ADAMTSL1: variants seen among roughly 807,000 people sequenced by gnomAD.
ADAMTSL1 encodes ADAMTS like 1, also known as ADAMTS-like protein 1.
Under a neutral mutation model 201.8 loss-of-function variants are expected in ADAMTSL1, and 126 were observed. The ratio of observed to expected loss-of-function variants is 0.62; its 90% CI spans 0.54 to 0.72. The LOEUF is 0.72. Among genes scored for constraint, ADAMTSL1 ranks in the 30% least tolerant of loss-of-function variants. The probability of loss-of-function intolerance (pLI) is 0.00; values close to 1 mark genes in which losing one functional copy is unlikely to be tolerated. For missense variants in ADAMTSL1, 2,679 were observed against 2,277.8 expected, an observed-to-expected ratio of 1.18 and a Z score of -3.59; for synonymous variants, 1,121 against 903.4, an observed-to-expected ratio of 1.24 and a Z score of -4.32.
chr9:18,779,056 C>T (rs1821229076), intron 19 of ADAMTSL1, among the ~76,000 whole-genome samples: 1 of 152,206 alleles, frequency 6.6e-6, no homozygotes. Flanking sequence ...GGCACTATGC[C>T]AAGTTTATTT....
At chr9:18,688,118 G>GTATATATATATATATATATATA (rs71333061) in intron 13 of ADAMTSL1, among the ~76,000 whole-genome samples, 4 of 142,700 alleles carry the variant, frequency 2.8e-5, no homozygotes, top group African/African-American at 1.0e-4. Flanking sequence ...ATGTATGTAT[G>GTATATATATATATATATATATA]TATATATATA....
intron 1 of ADAMTSL1, among the ~76,000 whole-genome samples, chr9:17,947,272 A>C (rs1470178998): frequency 6.6e-6 from 1 of 150,882 alleles, no homozygotes; most frequent in African/African-American, 2.4e-5. Flanking sequence ...AAAATAACTA[A>C]TGTAATGAAA....
chr9:18,082,562 A>G (rs1379048620), intron 1 of ADAMTSL1, among the ~76,000 whole-genome samples: 2 of 152,152 alleles, frequency 1.3e-5, no homozygotes, highest in African/African-American at 4.8e-5. Context: ...ACACCTTAAG[A>G]CACATCCTAT....
At chr9:18,594,799 A>G (rs1824158657) in intron 4 of ADAMTSL1, among the ~76,000 whole-genome samples, 1 of 152,004 alleles carries the variant, frequency 6.6e-6, no homozygotes, top group South Asian at 2.1e-4. Context: ...CCATCCCTTT[A>G]GGGTTGATCT....
chr9:18,613,626 C>A (rs1564089641), intron 4 of ADAMTSL1, among the ~76,000 whole-genome samples: 1 of 152,014 alleles, frequency 6.6e-6, no homozygotes, highest in Non-Finnish European at 1.5e-5. Context: ...AAACAAAAAA[C>A]AAACAAACAA....
Position 18,461,870 on chromosome 9 carries a change from G to T in ADAMTSL1, c.208-42959G>T, listed in dbSNP as rs112458486. On this transcript the variant is annotated intron_variant, in intron 2 of 29. Transcript: ENST00000680146. Reference sequence around the variant, plus strand: ...ATGGGGGAGATTGGTTCCAGGACACGCCCCCTCCACTCCCCCATTCCCTGA... The same window carrying T: ...ATGGGGGAGATTGGTTCCAGGACACTCCCCCTCCACTCCCCCATTCCCTGA... 2.2e-3 allele frequency among the ~76,000 whole-genome samples: 327 copies of T among 152,070 alleles called. 3 individuals are homozygous for T. The highest frequency in any genetic ancestry group is 7.2e-3 in the African/African-American group (298 of 41,476).
intron 24 of ADAMTSL1, among the ~76,000 whole-genome samples, chr9:18,888,927 G>T (rs1017515170): frequency 3.9e-5 from 6 of 152,192 alleles, no homozygotes; most frequent in African/African-American, 1.4e-4. Context: ...GCTAGCCTCT[G>T]CTGAAAACCA....
intron 18 of ADAMTSL1, 115 bp downstream of exon 18, chr9:18,776,011 G>C (rs1444463978): frequency 3.7e-6 from 5 of 1,354,288 alleles, no homozygotes; most frequent in Non-Finnish European, 3.0e-6. Flanking sequence ...TGGGACAGTA[G>C]AACCCCATGG....
At chr9:18,080,336 A>G (rs1416979814) in intron 1 of ADAMTSL1, among the ~76,000 whole-genome samples, 1 of 152,148 alleles carries the variant, frequency 6.6e-6, no homozygotes, top group Non-Finnish European at 1.5e-5. Context: ...ACTGAGGCAG[A>G]AGGATGGTAC....
At chr9:18,526,369 T>G (rs968533063) in intron 2 of ADAMTSL1, among the ~76,000 whole-genome samples, 3 of 152,252 alleles carry the variant, frequency 2.0e-5, no homozygotes, top group Admixed American at 2.0e-4. Context: ...TACAGCACAC[T>G]GATGGATCTT....
chr9:18,254,605 C>T (rs559628172), intron 2 of ADAMTSL1, among the ~76,000 whole-genome samples: 7 of 151,522 alleles, frequency 4.6e-5, no homozygotes, highest in South Asian at 4.2e-4. Flanking sequence ...CTTCGTGATC[C>T]GCCCGCCTCG....
intron 1 of ADAMTSL1, among the ~76,000 whole-genome samples, chr9:18,154,545 G>A (rs1587175023): frequency 6.6e-6 from 1 of 152,078 alleles, no homozygotes; most frequent in South Asian, 2.1e-4. Flanking sequence ...ATATGTGCCT[G>A]TGCAGTGCTT....
intron 1 of ADAMTSL1, among the ~76,000 whole-genome samples, chr9:17,944,388 C>T (rs1827368539): frequency 6.6e-6 from 1 of 152,070 alleles, no homozygotes; most frequent in Admixed American, 6.6e-5. Context: ...GGCCATACTG[C>T]CCAAGGTAAT....
chr9:18,903,599 G>A (rs769674973), intron 26 of ADAMTSL1, among the ~76,000 whole-genome samples: 6 of 152,176 alleles, frequency 3.9e-5, no homozygotes, highest in Non-Finnish European at 7.3e-5. Flanking sequence ...AAACTATAAT[G>A]AATGTCAAGG....
intron 26 of ADAMTSL1, 166 bp from the exon 27 acceptor site, chr9:18,905,616 G>T (rs993365992): frequency 1.7e-6 from 1 of 587,036 alleles, no homozygotes; most frequent in South Asian, 2.1e-5. Context: ...TAAAGAAAAC[G>T]TATCAGTGAG....
At chr9:18,275,810 T>A (rs1239529989) in intron 2 of ADAMTSL1, among the ~76,000 whole-genome samples, 3 of 152,192 alleles carry the variant, frequency 2.0e-5, no homozygotes, top group Non-Finnish European at 2.9e-5. Flanking sequence ...TTAATAAAAC[T>A]GTTATTACAT....
At chr9:18,612,649 G>C (rs958999996) in intron 4 of ADAMTSL1, among the ~76,000 whole-genome samples, 1 of 152,124 alleles carries the variant, frequency 6.6e-6, no homozygotes, top group African/African-American at 2.4e-5. Flanking sequence ...AAATGGTTCT[G>C]GGATAACTGT....
At chr9:18,567,456 A>G (rs1397672875) in intron 3 of ADAMTSL1, among the ~76,000 whole-genome samples, 1 of 152,184 alleles carries the variant, frequency 6.6e-6, no homozygotes, top group Non-Finnish European at 1.5e-5. Flanking sequence ...ACAGAGCCAG[A>G]AAAAAGAAAA....
At chr9:18,359,823 A>G (rs866387079) in intron 2 of ADAMTSL1, among the ~76,000 whole-genome samples, 2 of 42,236 alleles carry the variant, frequency 4.7e-5, no homozygotes, top group African/African-American at 8.5e-5. Context: ...CCACCTCCCC[A>G]CCCGCCCCCC....
Sources: gnomAD v4.1 joint callset for allele counts (sites outside exome capture counted in the v4.1 genomes callset) on GRCh38, gnomAD v4.1.1 for gene constraint, MANE v1.5 for transcripts, NCBI Gene and HGNC (gene_info 2026-07-23, HGNC 2026-07-21) for gene names.